Variants in KCNH5 observed in about 807,000 individuals in gnomAD.
KCNH5 encodes the protein potassium voltage-gated channel subfamily H member 5, also known as voltage-gated delayed rectifier potassium channel KCNH5.
KCNH5 carries 46 observed loss-of-function variants against 96.1 expected under a neutral mutation model. The observed-to-expected ratio is 0.48, with a 90% CI of 0.38 to 0.61. The LOEUF is 0.61. Ranked by LOEUF, KCNH5 falls within the 20% of genes least tolerant of loss-of-function variation. The pLI, the probability that KCNH5 is intolerant of heterozygous loss-of-function variation, is 0.00. For missense variants in KCNH5, 907 were observed against 1,225.8 expected (o/e 0.74, Z 3.88); for synonymous variants, 439 against 449.8 (o/e 0.98, Z 0.30).
At chr14:62,800,445 T>G (rs1886637958) in intron 9 of KCNH5, among the ~76,000 whole-genome samples, 1 of 152,158 alleles carries the variant, frequency 6.6e-6, no homozygotes, top group Non-Finnish European at 1.5e-5. Context: ...AGACCCAGGC[T>G]AGAGGCACTG....
intron 10 of KCNH5, 54 bp from the exon 11 acceptor site, chr14:62,708,509 AGTTGTATAATACTAT>A: frequency 3.5e-6 from 4 of 1,128,142 alleles, no homozygotes; most frequent in Non-Finnish European, 5.1e-6. Context: ...ATGGATTAAC[AGTTGTATAATACTAT>A]GCTGTATGTG....
chr14:62,998,470 G>T (rs1432562761), intron 4 of KCNH5, among the ~76,000 whole-genome samples: 1 of 151,946 alleles, frequency 6.6e-6, no homozygotes, highest in Non-Finnish European at 1.5e-5. Flanking sequence ...CTGTTGTAAG[G>T]TTTATTATTC....
chr14:62,750,790 A>C (rs1595606119), intron 10 of KCNH5, among the ~76,000 whole-genome samples: 2 of 152,200 alleles, frequency 1.3e-5, no homozygotes, highest in East Asian at 3.8e-4. Flanking sequence ...CAGGGCTCTA[A>C]TAAGAGCTAT....
At chr14:63,003,480 A>T (rs1487170510) in intron 3 of KCNH5, among the ~76,000 whole-genome samples, 3 of 128,718 alleles carry the variant, frequency 2.3e-5, no homozygotes, top group Non-Finnish European at 3.1e-5. Context: ...TATTATATAT[A>T]TTTTATATAT....
intron 8 of KCNH5, among the ~76,000 whole-genome samples, chr14:62,814,862 T>C (rs1328022234): frequency 6.9e-6 from 1 of 144,796 alleles, no homozygotes; most frequent in East Asian, 2.1e-4. Context: ...GAAAATCATC[T>C]GGCTATATTG....
chr14:62,913,521 C>G (rs960705276), intron 7 of KCNH5, among the ~76,000 whole-genome samples: 2 of 152,122 alleles, frequency 1.3e-5, no homozygotes, highest in African/African-American at 4.8e-5. Context: ...CCACTGCGCC[C>G]GGCCAAAACT....
intron 10 of KCNH5, among the ~76,000 whole-genome samples, chr14:62,759,747 GGA>G (rs1479138756): frequency 6.6e-6 from 1 of 151,944 alleles, no homozygotes; most frequent in Non-Finnish European, 1.5e-5. Flanking sequence ...GCCCTTTAAG[GGA>G]GCAAGCTGAG....
intron 3 of KCNH5, among the ~76,000 whole-genome samples, chr14:63,003,732 G>A (rs1216824319): frequency 6.8e-6 from 1 of 146,322 alleles, no homozygotes; most frequent in East Asian, 2.0e-4. Flanking sequence ...CCATTCTCCT[G>A]CCTCAGACTC....
intron 10 of KCNH5, among the ~76,000 whole-genome samples, chr14:62,717,601 G>C (rs1304449084): frequency 6.6e-6 from 1 of 152,168 alleles, no homozygotes; most frequent in African/African-American, 2.4e-5. Context: ...AACAAGAAAT[G>C]AATGTGGATA....
At chr14:62,814,458 C>T (rs918240131) in intron 8 of KCNH5, among the ~76,000 whole-genome samples, 3 of 151,906 alleles carry the variant, frequency 2.0e-5, no homozygotes, top group Non-Finnish European at 4.4e-5. Context: ...TAGAAATATA[C>T]TTTTAAGTGT....
chr14:62,728,742 A>G (rs372363188), intron 10 of KCNH5, among the ~76,000 whole-genome samples: 6 of 152,284 alleles, frequency 3.9e-5, no homozygotes, highest in African/African-American at 1.4e-4. Context: ...TGGGCCTTAT[A>G]TGATGGTTGC....
intron 7 of KCNH5, among the ~76,000 whole-genome samples, chr14:62,898,678 G>A (rs1215209842): frequency 2.0e-5 from 3 of 152,020 alleles, no homozygotes; most frequent in Non-Finnish European, 4.4e-5. Context: ...GAAATACTCA[G>A]CAAAATAAAT....
At chr14:62,881,219 T>C (rs1247076348) in intron 7 of KCNH5, among the ~76,000 whole-genome samples, 1 of 152,210 alleles carries the variant, frequency 6.6e-6, no homozygotes, top group Non-Finnish European at 1.5e-5. Context: ...GCTTAGATTC[T>C]AAAATAAGCA....
chr14:63,003,438 C>CAT (rs1436561836), intron 3 of KCNH5, among the ~76,000 whole-genome samples: 17 of 103,830 alleles, frequency 1.6e-4, no homozygotes, highest in African/African-American at 3.2e-4. Flanking sequence ...CAGAAAGAGC[C>CAT]ATATATATAT....
chr14:62,741,233 T>C (rs1885264569), intron 10 of KCNH5, among the ~76,000 whole-genome samples: 1 of 152,106 alleles, frequency 6.6e-6, no homozygotes, highest in African/African-American at 2.4e-5. Context: ...TGAAGGAGAT[T>C]AAAAAGACGA....
chr14:62,918,143 A>C (rs1040899508), intron 7 of KCNH5, among the ~76,000 whole-genome samples: 3 of 152,168 alleles, frequency 2.0e-5, no homozygotes, highest in African/African-American at 7.2e-5. Flanking sequence ...TCATCTGAAG[A>C]ATGTTAATAA....
At chr14:62,764,575 C>G (rs1258355740) in intron 10 of KCNH5, among the ~76,000 whole-genome samples, 1 of 152,260 alleles carries the variant, frequency 6.6e-6, no homozygotes. Context: ...GAGAGGAAGT[C>G]AAACTATCTC....
intron 7 of KCNH5, among the ~76,000 whole-genome samples, chr14:62,867,593 A>G (rs1190830103): frequency 6.6e-6 from 1 of 152,246 alleles, no homozygotes; most frequent in African/African-American, 2.4e-5. Flanking sequence ...TTTACAATAT[A>G]TTCTCAACAC....
At chr14:62,984,244 A>G (rs1228878547) in intron 5 of KCNH5, among the ~76,000 whole-genome samples, 1 of 152,186 alleles carries the variant, frequency 6.6e-6, no homozygotes, top group East Asian at 1.9e-4. Context: ...ATTGACTCTA[A>G]CAAAGTCAGG....
Sources: allele counts gnomAD v4.1 joint callset (sites outside exome capture counted in the v4.1 genomes callset), GRCh38; gene constraint gnomAD v4.1.1; transcripts MANE v1.5; gene names NCBI Gene and HGNC (gene_info 2026-07-23, HGNC 2026-07-21).